STK3: variants seen among roughly 807,000 people sequenced by gnomAD.
STK3 encodes serine/threonine kinase 3, also known as serine/threonine-protein kinase 3.
In STK3, 41 loss-of-function variants were observed where a neutral mutation model predicts 58.0. That is an observed-to-expected ratio of 0.71 (90% confidence interval 0.55 to 0.92). The LOEUF is 0.92. Among genes scored for constraint, STK3 ranks in the 40% least tolerant of loss-of-function variants. The probability of loss-of-function intolerance (pLI) is 0.00; values close to 1 mark genes in which losing one functional copy is unlikely to be tolerated. For missense variants in STK3, 479 were observed against 602.7 expected, an observed-to-expected ratio of 0.79 and a Z score of 2.15; for synonymous variants, 170 against 191.0, an observed-to-expected ratio of 0.89 and a Z score of 0.91.
chr8:98,872,052 AG>A (rs1837398132), intron 3 of STK3, among the ~76,000 whole-genome samples: 1 of 152,196 alleles, frequency 6.6e-6, no homozygotes, highest in Non-Finnish European at 1.5e-5. Flanking sequence ...TTTAGCATGA[AG>A]GGCTGTTGAA....
At chr8:98,354,692 C>G in the STK3 span, among the ~76,000 whole-genome samples, 5 of 152,208 alleles carry the variant, frequency 3.3e-5, no homozygotes, top group Non-Finnish European at 7.3e-5. Flanking sequence ...CCCCTAAGGA[C>G]ATCATCAAAT....
chr8:98,611,878 C>A (rs550149357), intron 6 of STK3, among the ~76,000 whole-genome samples: 3 of 151,994 alleles, frequency 2.0e-5, no homozygotes, highest in Admixed American at 1.3e-4. Flanking sequence ...CAAATTCCCA[C>A]TACATTTAGC....
chr8:98,764,048 C>T (rs1319099127), intron 3 of STK3, among the ~76,000 whole-genome samples: 2 of 152,178 alleles, frequency 1.3e-5, no homozygotes, highest in African/African-American at 2.4e-5. Flanking sequence ...TGATCCTTCG[C>T]AACTTCATAC....
At chr8:98,881,165 A>C (rs527986186), downstream of STK3, 94 of 152,352 alleles carry the variant, frequency 6.2e-4, no homozygotes, top group African/African-American at 2.1e-3. Flanking sequence ...GCTGTAGTAC[A>C]TCCATACAAT....
intron 6 of STK3, among the ~76,000 whole-genome samples, chr8:98,694,800 A>G (rs537624203): frequency 2.6e-5 from 4 of 152,262 alleles, no homozygotes; most frequent in Admixed American, 1.3e-4. Flanking sequence ...GAATAGTGCC[A>G]CAATAAACAT....
At chr8:98,863,266 T>A (rs111875110) in intron 3 of STK3, among the ~76,000 whole-genome samples, 2 of 152,172 alleles carry the variant, frequency 1.3e-5, no homozygotes, top group African/African-American at 4.8e-5. Flanking sequence ...CATTTGCCTT[T>A]TTGTTTTATT....
chr8:98,602,922 T>G (rs1308940631), intron 6 of STK3, among the ~76,000 whole-genome samples: 1 of 148,540 alleles, frequency 6.7e-6, no homozygotes, highest in Non-Finnish European at 1.5e-5. Context: ...CAAATATATC[T>G]AAAGATAGTG....
At chr8:98,818,915 A>C (rs567738462) in intron 1 of STK3, among the ~76,000 whole-genome samples, 1 of 151,980 alleles carries the variant, frequency 6.6e-6, no homozygotes, top group Admixed American at 6.6e-5. Context: ...CCGCCTCCCA[A>C]GTTCACACGA....
intron 3 of STK3, among the ~76,000 whole-genome samples, chr8:98,758,743 G>A (rs1437037256): frequency 6.6e-6 from 1 of 152,182 alleles, no homozygotes; most frequent in African/African-American, 2.4e-5. Context: ...AAAATCTGTT[G>A]CTTAATGTAG....
chr8:98,709,613 T>A (rs981394839), intron 4 of STK3, among the ~76,000 whole-genome samples: 3 of 152,202 alleles, frequency 2.0e-5, no homozygotes, highest in African/African-American at 7.2e-5. Context: ...CTGGAATGTA[T>A]TCCTGGAATG....
chr8:98,517,232 A>G (rs1825003736), intron 10 of STK3, among the ~76,000 whole-genome samples: 1 of 152,190 alleles, frequency 6.6e-6, no homozygotes, highest in Non-Finnish European at 1.5e-5. Flanking sequence ...TGTTTCAACA[A>G]CTGATGAACA....
chr8:98,905,657 A>C (rs1838868499), intron 1 of STK3: 1 of 772,796 alleles, frequency 1.3e-6, no homozygotes, highest in Non-Finnish European at 2.4e-6. Flanking sequence ...GTTTCTGATG[A>C]ACAGCTTCAT....
chr8:98,641,096 A>G (rs1234492912), intron 6 of STK3, among the ~76,000 whole-genome samples: 1 of 152,056 alleles, frequency 6.6e-6, no homozygotes, highest in Non-Finnish European at 1.5e-5. Context: ...ATAATTTACA[A>G]ATTTCCCAGC....
At chr8:98,841,960 C>T (rs1836006765) in intron 3 of STK3, among the ~76,000 whole-genome samples, 1 of 151,978 alleles carries the variant, frequency 6.6e-6, no homozygotes, top group South Asian at 2.1e-4. Context: ...GTCCAGAGAC[C>T]ATACTTTCAG....
intron 6 of STK3, among the ~76,000 whole-genome samples, chr8:98,640,979 AT>A (rs1461369136): frequency 1.3e-5 from 2 of 150,928 alleles, no homozygotes; most frequent in African/African-American, 4.9e-5. Flanking sequence ...ATTTATAACT[AT>A]AGTAATATGT....
downstream of STK3, chr8:98,881,800 A>T (rs1298631542): frequency 3.9e-5 from 6 of 152,240 alleles, no homozygotes; most frequent in Admixed American, 3.9e-4. Flanking sequence ...TGCTAAAAAA[A>T]TCCAGAAGCT....
rs1018202768 is a variant in STK3 at position 98,533,245 on chromosome 8, T to A, written c.1142-6328A>T. Among the ~76,000 whole-genome samples, 288 of 152,304 alleles carry A rather than the reference T, an allele frequency of 1.9e-3. 5 individuals carry two copies. Among genetic ancestry groups the A allele is most frequent in the Non-Finnish European group, 8.1e-4 (55 of 68,010 alleles). Reference sequence around the variant, plus strand: ...TGGCTTTGTGTTATTTACTCTTTTTTAAATAAGTTTTTCTCTATGTGCAGA... The same window carrying A: ...TGGCTTTGTGTTATTTACTCTTTTTAAAATAAGTTTTTCTCTATGTGCAGA... On this transcript the variant is annotated intron_variant, in intron 9 of 10. Coordinates refer to ENST00000419617, the MANE Select transcript of STK3 (RefSeq NM_006281.4).
intron 4 of STK3, among the ~76,000 whole-genome samples, chr8:98,721,559 T>C (rs1433661311): frequency 3.3e-5 from 5 of 151,678 alleles, no homozygotes; most frequent in African/African-American, 9.7e-5. Context: ...AAGATATTAA[T>C]ATATATAATT....
chr8:98,418,823 C>G (rs1183476578), intron 3 of STK3, among the ~76,000 whole-genome samples: 5 of 152,182 alleles, frequency 3.3e-5, no homozygotes, highest in Non-Finnish European at 5.9e-5. Context: ...ATAGCTCCCC[C>G]TGCCCTCTCC....
Sources: gnomAD v4.1 joint callset for allele counts (sites outside exome capture counted in the v4.1 genomes callset) on GRCh38, gnomAD v4.1.1 for gene constraint, MANE v1.5 for transcripts, NCBI Gene and HGNC (gene_info 2026-07-23, HGNC 2026-07-21) for gene names.